Variants in GAD1 observed in about 807,000 individuals in gnomAD.
GAD1 encodes 67 kDa glutamic acid decarboxylase.
A neutral mutation model predicts 75.2 loss-of-function variants in GAD1; 35 were observed. The ratio of observed to expected loss-of-function variants is 0.47; its 90% CI spans 0.36 to 0.62. The LOEUF is 0.62. GAD1 is among the 20% of genes least tolerant of loss of function. The probability of loss-of-function intolerance (pLI) is 0.00; values close to 1 mark genes in which losing one functional copy is unlikely to be tolerated. For missense variants in GAD1, 490 were observed against 758.5 expected (o/e 0.65, Z 4.16); for synonymous variants, 257 against 271.9 (o/e 0.95, Z 0.54).
At chr2:170,831,634 G>GTGTGTGTGTGTGTGTGTGTGTGTGTA (rs1165758709) in intron 5 of GAD1, among the ~76,000 whole-genome samples, 2 of 132,112 alleles carry the variant, frequency 1.5e-5, no homozygotes, top group African/African-American at 5.9e-5. Flanking sequence ...GTGTGTGTGT[G>GTGTGTGTGTGTGTGTGTGTGTGTGTA]TATATACCTA....
At chr2:170,815,591 C>T (rs976201890), upstream of GAD1, among the ~76,000 whole-genome samples, 15 of 152,306 alleles carry the variant, frequency 9.8e-5, no homozygotes, top group African/African-American at 3.1e-4. Context: ...AGGCCCCAGA[C>T]GTGCGCATAA....
rs756742703 is a variant in GAD1, at chr2:170,847,656, A to C, written c.1003-20A>C. The C allele has an allele frequency of 6.8e-7, 1 of 1,465,624 alleles. No homozygotes were observed. The highest frequency in any genetic ancestry group is 2.3e-5 in the East Asian group (1 of 44,184). 90.8% of individuals were successfully genotyped at this position (1,465,624 alleles called of 1,614,324 possible). On this transcript the variant is annotated intron_variant, in intron 10 of 16. Coordinates refer to ENST00000358196, the MANE Select transcript of GAD1 (RefSeq NM_000817.3). Reference sequence around the variant, plus strand: ...AAAGGTTAAAAATACTCATCAGCCTATATCTGTCTTACCTTGTAGGGATAT... The same window carrying C: ...AAAGGTTAAAAATACTCATCAGCCTCTATCTGTCTTACCTTGTAGGGATAT...
rs200953490 is a variant in GAD1 at position 170,827,873 on chromosome 2, T to TG, written c.146-1601dup. On this transcript the variant is annotated intron_variant, in intron 3 of 16. Transcript: ENST00000358196. ...AACACAGAAGATTGAAGCTTTTTTTTGTCTCACAGTACCTTCATTCAAGGA... is the reference window on the plus strand; with the variant it reads ...AACACAGAAGATTGAAGCTTTTTTTTGGTCTCACAGTACCTTCATTCAAGGA... 1.4e-3 allele frequency among the ~76,000 whole-genome samples: 207 copies of TG among 152,114 alleles called. 1 individual carries two copies. The highest frequency in any genetic ancestry group is 5.8e-3 in the East Asian group (30 of 5,172).
At position 170,818,605 on chromosome 2, in the gene GAD1, C is replaced by T; in HGVS notation, c.14C>T (p.Thr5Ile). The change falls in exon 2 of 17, where the codon ACC becomes ATC. Residue 5 changes from threonine to isoleucine, a missense_variant. By Grantham distance (89) the Thr-to-Ile change is moderately conservative. Transcript: ENST00000358196. This position sits in a 1 kb window ranked among gnomAD's most constrained non-coding sequence, Gnocchi z 5.9. MASS[T>I]PSSSATSSNA... ...ACGACCGAGCTGATGGCGTCTTCGACCCCATCTTCGTCCGCAACCTCCTCG... is the reference window on the plus strand; with the variant it reads ...ACGACCGAGCTGATGGCGTCTTCGATCCCATCTTCGTCCGCAACCTCCTCG... 6.2e-7 allele frequency: 1 copy of T among 1,614,134 alleles called. No homozygotes were observed. Among genetic ancestry groups the T allele is most frequent in the Non-Finnish European group, 8.5e-7 (1 of 1,180,020 alleles).
rs2105815610 is a variant in GAD1, at chr2:170,858,812, C to A, written c.1530C>A (p.His510Gln). ...TTTTAAAATCTCTGCAGCCTGAGCA[C>A]ACAAACGTCTGTTTTTGGTATATTC... ...FEMVFNGEPEHTNVCFWYIPQ... is the reference protein window; with the variant it reads ...FEMVFNGEPEQTNVCFWYIPQ... Residue 510 changes from histidine (H) to glutamine (Q), a missense_variant, in exon 16 of 17, where the codon CAC becomes CAA. By Grantham distance (24) the His-to-Gln change is conservative. Coordinates refer to ENST00000358196, the MANE Select transcript of GAD1 (RefSeq NM_000817.3). The A allele has an allele frequency of 4.3e-6, 7 of 1,614,106 alleles. No individual in the cohort carries two copies. Among genetic ancestry groups the A allele is most frequent in the Non-Finnish European group, 5.9e-6 (7 of 1,179,948 alleles).
At chr2:170,845,671 T>A in intron 8 of GAD1, 35 bp from the exon 9 acceptor site, 8 of 1,613,548 alleles carry the variant, frequency 5.0e-6, no homozygotes, top group Non-Finnish European at 6.8e-6. Context: ...TAGGGGACTT[T>A]CCAACTTCTA....
chr2:170,831,043 A>C lies in GAD1; in HGVS notation c.398A>C (p.Asp133Ala). 6.2e-7 allele frequency: 1 copy of C among 1,614,194 alleles called. No homozygotes were observed. The highest frequency in any genetic ancestry group is 8.5e-7 in the Non-Finnish European group (1 of 1,180,036). ...CTCAACTATGTCCGCAAGACATTTG[A>C]TCGCTCCACCAAGGTGCTGGACTTT... ...ILLNYVRKTF[D>A]RSTKVLDFHH... is the part of the protein sequence containing the mutation. Residue 133 changes from aspartate to alanine, a missense_variant, in exon 5 of 17, where the codon GAT (aspartate) becomes GCT (alanine). Physicochemically the swap from Asp to Ala is moderately radical, Grantham distance 126. This residue lies in a region of GAD1 where 165 missense variants were observed against 216.4 expected (regional missense o/e 0.76). Transcript: ENST00000358196.
intron 6 of GAD1, chr2:170,842,568 G>A (rs756054652): frequency 6.2e-7 from 1 of 1,613,784 alleles, no homozygotes; most frequent in Non-Finnish European, 8.5e-7. Context: ...TCCTTTATCA[G>A]GCCATCAGAC....
chr2:170,842,829 C>T, intron 6 of GAD1: 3 of 1,107,674 alleles, frequency 2.7e-6, no homozygotes, highest in South Asian at 3.4e-5. Flanking sequence ...CTTTTTTCAT[C>T]CACAATTAAA....
At chr2:170,849,398 A>G in intron 12 of GAD1, 48 bp downstream of exon 12, 1 of 1,547,386 alleles carries the variant, frequency 6.5e-7, no homozygotes, top group Non-Finnish European at 8.9e-7. Context: ...CACATCAAAC[A>G]GACCATGCTC....
chr2:170,845,500 T>G lies in GAD1; in HGVS notation c.752-6T>G. 6.2e-7 allele frequency: 1 copy of G among 1,612,246 alleles called. No homozygotes were observed. Among genetic ancestry groups the G allele is most frequent in the Non-Finnish European group, 8.5e-7 (1 of 1,179,144 alleles). ...AACACCTCCCAATATGTCCGCTTGC[T>G]GACAGGGGGCGCCATATCCAACATG... On this transcript the variant is annotated splice_region_variant and splice_polypyrimidine_tract_variant and intron_variant, in intron 7 of 16. Coordinates refer to ENST00000358196, the MANE Select transcript of GAD1 (RefSeq NM_000817.3).
At chr2:170,837,397 G>A (rs1317133387) in intron 6 of GAD1, among the ~76,000 whole-genome samples, 1 of 152,158 alleles carries the variant, frequency 6.6e-6, no homozygotes, top group Non-Finnish European at 1.5e-5. Flanking sequence ...TTCTAAATGT[G>A]ACATTTTTTC....
upstream of GAD1, among the ~76,000 whole-genome samples, chr2:170,815,392 C>T (rs552526176): frequency 2.1e-4 from 32 of 152,276 alleles, no homozygotes; most frequent in Non-Finnish European, 4.4e-4. Context: ...CCAAAGGCAA[C>T]GCGATTATTT....
intron 3 of GAD1, chr2:170,829,137 C>T (rs1044605517): frequency 5.2e-6 from 2 of 383,100 alleles, no homozygotes; most frequent in African/African-American, 4.2e-5. Context: ...GATTGTGTCT[C>T]CTCCTTTAAA....
chr2:170,855,061 T>G (rs1418169226), intron 14 of GAD1, among the ~76,000 whole-genome samples: 1 of 152,204 alleles, frequency 6.6e-6, no homozygotes, highest in African/African-American at 2.4e-5. Context: ...TATAAATTAA[T>G]TTTAATAATT....
At chr2:170,822,524 T>A (rs1426015426) in intron 3 of GAD1, among the ~76,000 whole-genome samples, 3 of 152,152 alleles carry the variant, frequency 2.0e-5, no homozygotes, top group Non-Finnish European at 4.4e-5. Context: ...GTCCCAAAGG[T>A]CGCGTAGAAA....
At chr2:170,826,567 CAA>C (rs34462898) in intron 3 of GAD1, among the ~76,000 whole-genome samples, 9 of 110,866 alleles carry the variant, frequency 8.1e-5, no homozygotes, top group African/African-American at 1.2e-4. Flanking sequence ...GACTCCGTCT[CAA>C]AAAAAAAAAA....
rs188471589 is a variant in GAD1 at position 170,829,524 on chromosome 2, T to C, written c.195T>C (p.Ser65=). 2.5e-6 allele frequency: 4 copies of C among 1,613,704 alleles called. No individual in the cohort carries two copies. The East Asian group carries it at 8.9e-5, about 36-fold the overall frequency. The change falls in exon 4 of 17, where the codon AGT becomes AGC. Residue 65 remains serine (S), a synonymous_variant. Transcript: ENST00000358196. ...TGGAAGAGAAGAGTCGCCTTGTGAG[T>C]GCCTTCAAGGAGAGGCAATCCTCCA... The part of the protein sequence containing the change: ...NSLEEKSRLV[S]AFKERQSSKN...
Position 170,823,730 on chromosome 2 carries a change from C to T in GAD1, c.145+1581C>T, listed in dbSNP as rs1701954173. ...CCAGGTCCCTTCGGCGGCCGCAGCG[C>T]TCGGCTTCTGCAGCCGTCATTGTCA... On this transcript the variant is annotated intron_variant, in intron 3 of 16. Coordinates refer to ENST00000358196, the MANE Select transcript of GAD1 (RefSeq NM_000817.3). 2.0e-5 allele frequency among the ~76,000 whole-genome samples: 3 copies of T among 151,916 alleles called. No homozygotes were observed. In the South Asian group the frequency reaches 6.2e-4, roughly 32 times the overall value.
Sources: gnomAD v4.1 joint callset for allele counts (sites outside exome capture counted in the v4.1 genomes callset) on GRCh38, gnomAD v4.1.1 for gene constraint, gnomAD v4.1.1 regional missense constraint, Gnocchi (gnomAD v3.1) non-coding constraint, MANE v1.5 for transcripts, NCBI Gene and HGNC (gene_info 2026-07-23, HGNC 2026-07-21) for gene names.